ADH1B: variants seen among roughly 807,000 people sequenced by gnomAD.
ADH1B encodes the protein alcohol dehydrogenase 1B (class I), beta polypeptide, also known as all-trans-retinol dehydrogenase [NAD(+)] ADH1B.
In ADH1B, 29 loss-of-function variants were observed where a neutral mutation model predicts 34.6. That is an observed-to-expected ratio of 0.84 (90% CI 0.62 to 1.14). The LOEUF (loss-of-function observed/expected upper bound fraction) is 1.14. Among genes scored for constraint, ADH1B ranks in the 50% most tolerant of loss-of-function variants. The pLI is 0.00. For synonymous variants in ADH1B, 170 were observed against 175.5 expected, an observed-to-expected ratio of 0.97 and a Z score of 0.25; for missense variants, 424 against 468.4, an observed-to-expected ratio of 0.91 and a Z score of 0.87.
At chr4:99,316,411 T>A in intron 3 of ADH1B, 109 bp from the exon 4 acceptor site, 2 of 1,131,338 alleles carry the variant, frequency 1.8e-6, no homozygotes, top group Non-Finnish European at 2.5e-6. Context: ...TAAAAGTCTT[T>A]AAGGAATAGA....
At position 99,316,253 on chromosome 4, in the gene ADH1B, A is replaced by G. The variant is rs372958183; in HGVS notation, c.309T>C (p.Val103=). ...LFTPQCGKCR[V]CKNPESNYCL... ...AGTAGTTGCTCTCCGGGTTTTTACA[A>G]ACTCTGCATTTTCCACACTGAGGAG... Residue 103 remains valine (V), a synonymous_variant, in exon 4 of 9, where the codon GTT becomes GTC. Transcript: ENST00000305046. The G allele has an allele frequency of 1.2e-5, 20 of 1,614,208 alleles. No homozygotes were observed. The highest frequency in any genetic ancestry group is 1.7e-5 in the Non-Finnish European group (20 of 1,180,036).
chr4:99,319,278 C>T (rs1733962658), intron 1 of ADH1B: 1 of 293,708 alleles, frequency 3.4e-6, no homozygotes, highest in African/African-American at 2.2e-5. Flanking sequence ...TGTCTGTCTA[C>T]ATAAAATACA....
chr4:99,309,517 G>A (rs1733695535), intron 8 of ADH1B, among the ~76,000 whole-genome samples: 1 of 152,012 alleles, frequency 6.6e-6, no homozygotes, highest in Non-Finnish European at 1.5e-5. Flanking sequence ...CTGTCCTCTG[G>A]TTTTGTTCAT....
rs1387398826 is a variant in ADH1B at position 99,305,118 on chromosome 4, G to A, written c.*2722C>T. 3 of 151,546 alleles carry A rather than the reference G, an allele frequency of 2.0e-5. No homozygotes were observed. Among genetic ancestry groups the A allele is most frequent in the Non-Finnish European group, 2.9e-5 (2 of 67,934 alleles). The allele number at this position is 151,546 out of a possible 1,614,324, so 9.4% of individuals were successfully genotyped here. The stretch of plus-strand genomic sequence containing the variant: ...TGGTTGTCTATTTTTAAATGAAAAA[G>A]CACCAGGATTTTAGAAATATCTTTT... On this transcript the variant is annotated 3_prime_UTR_variant, in exon 9 of 9. Coordinates refer to ENST00000305046, the MANE Select transcript of ADH1B (RefSeq NM_000668.6).
At chr4:99,317,987 C>T (rs1733926730) in intron 3 of ADH1B, 59 bp downstream of exon 3, 1 of 1,599,722 alleles carries the variant, frequency 6.3e-7, no homozygotes, top group Middle Eastern at 1.8e-4. Flanking sequence ...GTTTCCTTAT[C>T]CAGGCTGGGA....
At chr4:99,312,438 G>A (rs999101196) in intron 6 of ADH1B, among the ~76,000 whole-genome samples, 2 of 152,162 alleles carry the variant, frequency 1.3e-5, no homozygotes, top group South Asian at 2.1e-4. Context: ...GGTCAAGGCT[G>A]CCGAGAGCTT....
At chr4:99,320,793 C>T in intron 1 of ADH1B, 2 of 1,159,032 alleles carry the variant, frequency 1.7e-6, no homozygotes, top group Non-Finnish European at 2.1e-6. Flanking sequence ...CTTGCTTAAC[C>T]TTGATGATTC....
rs79367470 is a variant in ADH1B, at chr4:99,315,948, T to G, written c.517A>C (p.Ile173Leu). The stretch of plus-strand genomic sequence containing the variant: ...TAACCAGTCGAGAATCCACAGCCAA[T>G]GAGGCAGACTTTCTCCAGGGGCGAG... ...AASPLEKVCL[I>L]GCGFSTGYGS... Residue 173 changes from isoleucine to leucine, a missense_variant, in exon 5 of 9, where the codon ATT becomes CTT. By Grantham distance (5) the Ile-to-Leu change is conservative. Transcript: ENST00000305046. 4.8e-5 allele frequency: 78 copies of G among 1,614,184 alleles called. 1 individual carries two copies. The South Asian group carries it at 7.1e-4, about 15-fold the overall frequency.
At chr4:99,310,939 A>T (rs769225668) in intron 7 of ADH1B, 36 bp from the exon 8 acceptor site, 33 of 1,597,160 alleles carry the variant, frequency 2.1e-5, no homozygotes, top group Non-Finnish European at 2.8e-5. Flanking sequence ...GGATTCAGCT[A>T]GGGTAAGTAG....
At chr4:99,316,347 A>G in intron 3 of ADH1B, 45 bp from the exon 4 acceptor site, 1 of 1,565,906 alleles carries the variant, frequency 6.4e-7, no homozygotes, top group South Asian at 1.1e-5. Context: ...CTATGCAGTA[A>G]TTAATAGAGC....
At chr4:99,310,991 A>T in intron 7 of ADH1B, 88 bp from the exon 8 acceptor site, 2 of 1,492,292 alleles carry the variant, frequency 1.3e-6, no homozygotes, top group South Asian at 2.4e-5. Context: ...CAAAGTTTAG[A>T]AAAGGTGCTC....
At chr4:99,320,836 A>C (rs1734006820) in intron 1 of ADH1B, 1 of 1,231,734 alleles carries the variant, frequency 8.1e-7, no homozygotes, top group Non-Finnish European at 1.0e-6. Context: ...ATTTTGTAAG[A>C]TATTTTATAG....
At position 99,305,523 on chromosome 4, in the gene ADH1B, TAC is replaced by T. The variant is rs1553912054; in HGVS notation, c.*2315_*2316del. The T allele has an allele frequency of 9.7e-6, 1 of 102,888 alleles. No individual in the cohort carries two copies. Among genetic ancestry groups the T allele is most frequent in the Admixed American group, 9.6e-5 (1 of 10,466 alleles). The allele number at this position is 102,888 out of a possible 1,614,324, so 6.4% of individuals were successfully genotyped here. On this transcript the variant is annotated 3_prime_UTR_variant, in exon 9 of 9. Coordinates refer to ENST00000305046, the MANE Select transcript of ADH1B (RefSeq NM_000668.6). Reference sequence around the variant, plus strand: ...ATACATATATATATATATATATATATACAATCACTTAACTATATGAACCACTT... The same window carrying T: ...ATACATATATATATATATATATATATAATCACTTAACTATATGAACCACTT...
rs1214762071 is a variant in ADH1B, at chr4:99,305,563, A to G, written c.*2277T>C. On this transcript the variant is annotated 3_prime_UTR_variant, in exon 9 of 9. Transcript: ENST00000305046. ...ATATGAACCACTTGCCCCATAGTGT[A>G]TATATATATATATATATATATATAT... 0.14 allele frequency: 1,920 copies of G among 13,476 alleles called. 149 individuals carry two copies. The highest frequency in any genetic ancestry group is 0.45 in the African/African-American group (1,631 of 3,648). 0.8% of individuals were successfully genotyped at this position (13,476 alleles called of 1,614,324 possible).
intron 3 of ADH1B, chr4:99,316,566 G>C (rs1157957420): frequency 2.3e-6 from 1 of 432,180 alleles, no homozygotes. Flanking sequence ...TGTACTAATA[G>C]TTAACTTTTA....
chr4:99,311,382 G>A (rs777570705), intron 7 of ADH1B, 139 bp downstream of exon 7: 3 of 1,100,540 alleles, frequency 2.7e-6, no homozygotes. Context: ...AGATAGAAAA[G>A]GAATTTAAAT....
rs375018664 is a variant in ADH1B at position 99,321,379 on chromosome 4, A to G, written c.-48T>C. Reference sequence around the variant, plus strand: ...ACCAGCAGACTGTGAGTCTTTGTGGATTTCTTCTCTGCTTGAGTGCATAAA... The same window carrying G: ...ACCAGCAGACTGTGAGTCTTTGTGGGTTTCTTCTCTGCTTGAGTGCATAAA... On this transcript the variant is annotated 5_prime_UTR_variant, in exon 1 of 9. Coordinates refer to ENST00000305046, the MANE Select transcript of ADH1B (RefSeq NM_000668.6). 2.4e-5 allele frequency: 39 copies of G among 1,598,362 alleles called. No homozygotes were observed. Among genetic ancestry groups the G allele is most frequent in the Non-Finnish European group, 3.3e-5 (39 of 1,167,832 alleles).
At chr4:99,316,610 A>G (rs1733892086) in intron 3 of ADH1B, 1 of 217,826 alleles carries the variant, frequency 4.6e-6, no homozygotes, top group Non-Finnish European at 9.1e-6. Flanking sequence ...AGGCTTTGCA[A>G]ACATCTTTTT....
Position 99,305,561 on chromosome 4 carries a change from GTATATATATATATATATATATA to G in ADH1B, c.*2257_*2278del, listed in dbSNP as rs56951572. Reference sequence around the variant, plus strand: ...CTATATGAACCACTTGCCCCATAGTGTATATATATATATATATATATATATATATATATATATATATATATAT... The same window carrying G: ...CTATATGAACCACTTGCCCCATAGTGTATATATATATATATATATATATAT... On this transcript the variant is annotated 3_prime_UTR_variant, in exon 9 of 9. Transcript: ENST00000305046. The G allele has an allele frequency of 7.1e-4, 35 of 49,404 alleles. No homozygotes were observed. The highest frequency in any genetic ancestry group is 0.019 in the Middle Eastern group (1 of 54). 3.1% of individuals were successfully genotyped at this position (49,404 alleles called of 1,614,324 possible). A position where few individuals can be genotyped will look rare whatever the true frequency, so the allele number is the denominator to read the frequency against.
Sources: gnomAD v4.1 joint callset for allele counts (sites outside exome capture counted in the v4.1 genomes callset) on GRCh38, gnomAD v4.1.1 for gene constraint, MANE v1.5 for transcripts, NCBI Gene and HGNC (gene_info 2026-07-23, HGNC 2026-07-21) for gene names.